The following NTM variants were observed in gnomAD, a reference collection of about 807,000 sequenced individuals.
NTM encodes the protein IgLON family member 2.
Under a neutral mutation model 42.1 loss-of-function variants are expected in NTM, and 13 were observed. The ratio of observed to expected loss-of-function variants is 0.31; its 90% CI spans 0.20 to 0.49. The LOEUF (loss-of-function observed/expected upper bound fraction) is 0.49. Among genes scored for constraint, NTM ranks in the 20% least tolerant of loss-of-function variants. NTM has a pLI of 0.99. For missense variants in NTM, 373 were observed against 452.8 expected, an observed-to-expected ratio of 0.82 and a Z score of 1.60; for synonymous variants, 187 against 179.2, an observed-to-expected ratio of 1.04 and a Z score of -0.35.
intron 1 of NTM, among the ~76,000 whole-genome samples, chr11:131,497,941 C>A (rs1386253526): frequency 6.6e-6 from 1 of 152,154 alleles, no homozygotes; most frequent in Non-Finnish European, 1.5e-5. Flanking sequence ...TTTAAAATAG[C>A]CAGTCAGAAT....
chr11:131,947,940 A>C (rs189114124), intron 2 of NTM, among the ~76,000 whole-genome samples: 1 of 152,216 alleles, frequency 6.6e-6, no homozygotes, highest in Non-Finnish European at 1.5e-5. Context: ...GGCTGCTATG[A>C]GTAGTACTTA....
At chr11:131,931,505 ATG>A (rs1474226029) in intron 2 of NTM, among the ~76,000 whole-genome samples, 3 of 92,702 alleles carry the variant, frequency 3.2e-5, no homozygotes, top group African/African-American at 1.1e-4. Flanking sequence ...GTGTGTGTGT[ATG>A]TGTGTGTGTT....
chr11:131,420,986 C>G (rs1248099405), intron 1 of NTM, among the ~76,000 whole-genome samples: 2 of 152,046 alleles, frequency 1.3e-5, no homozygotes, highest in Non-Finnish European at 2.9e-5. Flanking sequence ...GCCCTCTCAT[C>G]TCTTTCTCCA....
chr11:132,048,292 C>G (rs918929599), intron 2 of NTM, among the ~76,000 whole-genome samples: 7 of 152,148 alleles, frequency 4.6e-5, no homozygotes, highest in Admixed American at 4.6e-4. Context: ...AAAGCAGAGC[C>G]CAAGAGCCTC....
intron 2 of NTM, among the ~76,000 whole-genome samples, chr11:132,036,561 G>C (rs2076534020): frequency 1.3e-5 from 2 of 152,148 alleles, no homozygotes; most frequent in South Asian, 4.1e-4. Flanking sequence ...AGAAGGTTCA[G>C]TAACCTGCCC....
chr11:131,645,716 T>C (rs1273733093), intron 1 of NTM, among the ~76,000 whole-genome samples: 1 of 152,230 alleles, frequency 6.6e-6, no homozygotes, highest in African/African-American at 2.4e-5. Context: ...GTTTTTTGTT[T>C]TCTCCATTTG....
intron 1 of NTM, among the ~76,000 whole-genome samples, chr11:131,564,470 G>T (rs556314258): frequency 6.6e-6 from 1 of 151,986 alleles, no homozygotes; most frequent in Non-Finnish European, 1.5e-5. Flanking sequence ...GGGAGAGAGA[G>T]AGAGCAGGCT....
rs1024558148 is a variant in NTM, at chr11:131,423,357, C to T, written c.82+52469C>T. On this transcript the variant is annotated intron_variant, in intron 1 of 8. Coordinates refer to ENST00000683400, the MANE Select transcript of NTM (RefSeq NM_001352005.2). The stretch of plus-strand genomic sequence containing the variant: ...TTTTCTGTTTCTCCATATTCCATGC[C>T]TTTCTAGTTCTGCTATGATGAGTTA... 6.6e-5 allele frequency among the ~76,000 whole-genome samples: 10 copies of T among 152,146 alleles called. No homozygotes were observed. In the East Asian group the frequency reaches 1.9e-3, roughly 29 times the overall value.
Position 131,656,620 on chromosome 11 carries a change from A to T in NTM, c.83-254944A>T, listed in dbSNP as rs112427536. On this transcript the variant is annotated intron_variant, in intron 1 of 8. Coordinates refer to ENST00000683400, the MANE Select transcript of NTM (RefSeq NM_001352005.2). Reference sequence around the variant, plus strand: ...GTCACAGGAGGCAGAGCTCCTGCTGATGGGTTTTCCGGTTCTGGTTTGGAC... The same window carrying T: ...GTCACAGGAGGCAGAGCTCCTGCTGTTGGGTTTTCCGGTTCTGGTTTGGAC... 4.3e-3 allele frequency among the ~76,000 whole-genome samples: 655 copies of T among 152,212 alleles called. 9 individuals are homozygous for T. The highest frequency in any genetic ancestry group is 0.015 in the African/African-American group (617 of 41,516).
At chr11:132,207,763 A>G (rs1250653118) in intron 3 of NTM, among the ~76,000 whole-genome samples, 3 of 152,164 alleles carry the variant, frequency 2.0e-5, no homozygotes, top group Admixed American at 2.0e-4. Flanking sequence ...CTCTCCAGAT[A>G]TGATTAATTT....
intron 1 of NTM, among the ~76,000 whole-genome samples, chr11:131,499,451 C>T (rs2046454401): frequency 6.6e-6 from 1 of 152,212 alleles, no homozygotes; most frequent in Non-Finnish European, 1.5e-5. Flanking sequence ...GAGCCACTTT[C>T]CTATCCGGAC....
At chr11:131,558,274 T>G (rs79864852) in intron 1 of NTM, among the ~76,000 whole-genome samples, 2,217 of 152,224 alleles carry the variant, frequency 0.015, 59 homozygotes, top group African/African-American at 0.05. Context: ...CTGGACACTC[T>G]GCACAGCCCT....
intron 2 of NTM, among the ~76,000 whole-genome samples, chr11:131,991,404 A>G (rs1163694075): frequency 6.6e-6 from 1 of 152,156 alleles, no homozygotes; most frequent in Non-Finnish European, 1.5e-5. Flanking sequence ...TTAATTAGTA[A>G]TTAATAGGTG....
intron 2 of NTM, among the ~76,000 whole-genome samples, chr11:132,130,948 T>G (rs952752004): frequency 2.0e-5 from 3 of 152,226 alleles, no homozygotes; most frequent in African/African-American, 7.2e-5. Flanking sequence ...GATCTGGGAT[T>G]TGAGATGTGT....
rs145814364 is a variant in NTM, at chr11:131,757,392, C to A, written c.83-154172C>A. 1.7e-3 allele frequency among the ~76,000 whole-genome samples: 259 copies of A among 152,354 alleles called. 1 individual carries two copies. Among genetic ancestry groups the A allele is most frequent in the African/African-American group, 6.1e-3 (254 of 41,590 alleles). On this transcript the variant is annotated intron_variant, in intron 1 of 8. Transcript: ENST00000683400. ...TCATGCATGGACTCCAACTGTCTAGCTCTTCAACGATATACCAGGTCACAC... is the reference window on the plus strand; with the variant it reads ...TCATGCATGGACTCCAACTGTCTAGATCTTCAACGATATACCAGGTCACAC...
rs77458354 is a variant in NTM at position 131,872,533 on chromosome 11, C to T, written c.83-39031C>T. ...TTACCAAACAGTTACCTATCATTTT[C>T]TGGCTCTCTGTCAAATTTTGGTAAA... On this transcript the variant is annotated intron_variant, in intron 1 of 8. Coordinates refer to ENST00000683400, the MANE Select transcript of NTM (RefSeq NM_001352005.2). Among the ~76,000 whole-genome samples, 1,440 of 152,300 alleles carry T rather than the reference C, an allele frequency of 9.5e-3. 25 individuals carry two copies. Among genetic ancestry groups the T allele is most frequent in the African/African-American group, 0.033 (1,361 of 41,546 alleles).
intron 2 of NTM, among the ~76,000 whole-genome samples, chr11:132,077,365 AG>A (rs1180454783): frequency 6.6e-6 from 1 of 152,242 alleles, no homozygotes; most frequent in African/African-American, 2.4e-5. Flanking sequence ...TACTGGAGGA[AG>A]ATCTCAATAA....
intron 1 of NTM, among the ~76,000 whole-genome samples, chr11:131,903,684 G>A (rs2053472253): frequency 6.6e-6 from 1 of 152,164 alleles, no homozygotes; most frequent in Admixed American, 6.5e-5. Flanking sequence ...TATAATCCTA[G>A]ACTATTAGAG....
chr11:132,010,426 C>T (rs1005598455), intron 2 of NTM, among the ~76,000 whole-genome samples: 1 of 152,178 alleles, frequency 6.6e-6, no homozygotes, highest in Non-Finnish European at 1.5e-5. Flanking sequence ...CCCAGAGACC[C>T]TCTGCCTCAT....
Sources: gnomAD v4.1 joint callset for allele counts (sites outside exome capture counted in the v4.1 genomes callset) on GRCh38, gnomAD v4.1.1 for gene constraint, MANE v1.5 for transcripts, NCBI Gene and HGNC (gene_info 2026-07-23, HGNC 2026-07-21) for gene names.